The following LRRC52 variants were observed in gnomAD, a reference collection of about 807,000 sequenced individuals.
LRRC52 encodes the protein leucine rich repeat containing 52, also known as leucine-rich repeat-containing protein 52.
A neutral mutation model predicts 14.7 loss-of-function variants in LRRC52; 15 were observed. That is an observed-to-expected ratio of 1.02 (90% CI 0.68 to 1.58). The LOEUF (loss-of-function observed/expected upper bound fraction) is 1.58, where lower values mean the gene tolerates loss of function less well. Ranked by LOEUF, LRRC52 falls within the 40% of genes most tolerant of loss-of-function variation. The pLI, the probability that LRRC52 is intolerant of heterozygous loss-of-function variation, is 0.00. For synonymous variants in LRRC52, 180 were observed against 163.9 expected, an observed-to-expected ratio of 1.10 and a Z score of -0.75; for missense variants, 400 against 387.7, an observed-to-expected ratio of 1.03 and a Z score of -0.27.
chr1:165,551,379 G>C (rs1206872655), intron 1 of LRRC52, among the ~76,000 whole-genome samples: 1 of 152,214 alleles, frequency 6.6e-6, no homozygotes, highest in Non-Finnish European at 1.5e-5. Flanking sequence ...AGTGGCCTGT[G>C]TTCTGGACCT....
At chr1:165,550,210 G>A (rs1661103262) in intron 1 of LRRC52, among the ~76,000 whole-genome samples, 1 of 152,204 alleles carries the variant, frequency 6.6e-6, no homozygotes, top group Admixed American at 6.5e-5. Context: ...AGGGGACAGG[G>A]TTGAATGGCT....
intron 1 of LRRC52, 66 bp from the exon 2 acceptor site, chr1:165,563,439 C>A: frequency 6.9e-7 from 1 of 1,452,526 alleles, no homozygotes; most frequent in Non-Finnish European, 9.4e-7. Flanking sequence ...TCCTGATCCC[C>A]TTTGGCCTTA....
intron 1 of LRRC52, among the ~76,000 whole-genome samples, chr1:165,556,917 A>C (rs1477665387): frequency 6.6e-6 from 1 of 152,186 alleles, no homozygotes; most frequent in African/African-American, 2.4e-5. Context: ...GTACGACAGA[A>C]TATATAATAG....
chr1:165,550,331 A>G (rs1253280760), intron 1 of LRRC52, among the ~76,000 whole-genome samples: 3 of 152,226 alleles, frequency 2.0e-5, no homozygotes, highest in African/African-American at 4.8e-5. Context: ...ATGCTGTCCA[A>G]TAGAAGTTTC....
intron 1 of LRRC52, among the ~76,000 whole-genome samples, chr1:165,557,090 AG>A (rs1436964114): frequency 6.6e-6 from 1 of 152,204 alleles, no homozygotes; most frequent in Non-Finnish European, 1.5e-5. Context: ...GTACAGAAAA[AG>A]GGTCTCTGCT....
chr1:165,555,161 G>A (rs182077183), intron 1 of LRRC52, among the ~76,000 whole-genome samples: 145 of 152,354 alleles, frequency 9.5e-4, no homozygotes, highest in African/African-American at 3.4e-3. Flanking sequence ...CAAATAACAA[G>A]TGCCATGGAG....
intron 1 of LRRC52, among the ~76,000 whole-genome samples, chr1:165,545,557 A>G (rs1239645690): frequency 6.6e-6 from 1 of 152,122 alleles, no homozygotes; most frequent in African/African-American, 2.4e-5. Flanking sequence ...GAATGGCATG[A>G]ATCAATGGAG....
At chr1:165,550,733 C>T (rs1465496899) in intron 1 of LRRC52, among the ~76,000 whole-genome samples, 1 of 151,938 alleles carries the variant, frequency 6.6e-6, no homozygotes, top group Non-Finnish European at 1.5e-5. Context: ...CATTATAATG[C>T]TGGGGTGGCT....
chr1:165,548,351 T>C (rs926085057), intron 1 of LRRC52, among the ~76,000 whole-genome samples: 3 of 152,198 alleles, frequency 2.0e-5, no homozygotes, highest in African/African-American at 7.2e-5. Context: ...GTGCCTACTA[T>C]GTGCCAAACA....
intron 1 of LRRC52, among the ~76,000 whole-genome samples, chr1:165,561,760 T>C (rs141385265): frequency 1.3e-5 from 2 of 152,206 alleles, no homozygotes; most frequent in Non-Finnish European, 2.9e-5. Context: ...CTAAACAGCA[T>C]TACACACTGC....
chr1:165,563,903 A>G lies in LRRC52; in HGVS notation c.*79A>G. 7.0e-7 allele frequency: 1 copy of G among 1,424,238 alleles called. No individual in the cohort carries two copies. The highest frequency in any genetic ancestry group is 9.7e-7 in the Non-Finnish European group (1 of 1,035,366). 88.2% of individuals were successfully genotyped at this position (1,424,238 alleles called of 1,614,324 possible). ...TGCCCTCCCCATCCCACCACCTTGG[A>G]GCTGTCATAGAGATTGAAACCTTCT... On this transcript the variant is annotated 3_prime_UTR_variant, in exon 2 of 2. Transcript: ENST00000294818.
intron 1 of LRRC52, among the ~76,000 whole-genome samples, chr1:165,548,735 A>G (rs1487613165): frequency 6.6e-6 from 1 of 152,208 alleles, no homozygotes; most frequent in Non-Finnish European, 1.5e-5. Flanking sequence ...TAGAACCAAC[A>G]TTCCTAGGGC....
At chr1:165,549,788 A>G (rs369050296) in intron 1 of LRRC52, among the ~76,000 whole-genome samples, 1 of 152,324 alleles carries the variant, frequency 6.6e-6, no homozygotes, top group Non-Finnish European at 1.5e-5. Flanking sequence ...CCAGTGTTTC[A>G]TTCATTTTAT....
At chr1:165,555,733 A>G (rs922515050) in intron 1 of LRRC52, among the ~76,000 whole-genome samples, 10 of 152,238 alleles carry the variant, frequency 6.6e-5, no homozygotes, top group African/African-American at 2.2e-4. Flanking sequence ...GGGTTTGCTT[A>G]TGATCTGAAC....
chr1:165,563,936 T>A lies in LRRC52; in HGVS notation c.*112T>A. On this transcript the variant is annotated 3_prime_UTR_variant, in exon 2 of 2. Coordinates refer to ENST00000294818, the MANE Select transcript of LRRC52 (RefSeq NM_001005214.4). ...TAGAGATTGAAACCTTCTAGTAAAA[T>A]AAATAAAATCTCTGATGGCCATTTC... 1 of 1,173,928 alleles carries A rather than the reference T, an allele frequency of 8.5e-7. No individual in the cohort carries two copies. The highest frequency in any genetic ancestry group is 1.2e-6 in the Non-Finnish European group (1 of 832,200). 72.7% of individuals were successfully genotyped at this position (1,173,928 alleles called of 1,614,324 possible). A position where few individuals can be genotyped will look rare whatever the true frequency, so the allele number is the denominator to read the frequency against.
At chr1:165,550,167 ATT>A (rs2101825908) in intron 1 of LRRC52, among the ~76,000 whole-genome samples, 1 of 152,212 alleles carries the variant, frequency 6.6e-6, no homozygotes, top group East Asian at 1.9e-4. Context: ...GAGAGTGGTC[ATT>A]GAGTTCTTCC....
chr1:165,561,293 A>C (rs1661336094), intron 1 of LRRC52, among the ~76,000 whole-genome samples: 1 of 152,232 alleles, frequency 6.6e-6, no homozygotes, highest in Non-Finnish European at 1.5e-5. Context: ...TCTTTTTAAA[A>C]ATAGAATGAG....
intron 1 of LRRC52, among the ~76,000 whole-genome samples, chr1:165,560,736 T>A (rs1406009669): frequency 6.6e-6 from 1 of 152,150 alleles, no homozygotes; most frequent in Admixed American, 6.5e-5. Context: ...AAAGGAGCAG[T>A]GTAACAAAGT....
chr1:165,548,597 G>A (rs1313568328), intron 1 of LRRC52, among the ~76,000 whole-genome samples: 1 of 152,158 alleles, frequency 6.6e-6, no homozygotes, highest in South Asian at 2.1e-4. Flanking sequence ...AGTGTTAAGA[G>A]CTCAGGTTCT....
Sources: gnomAD v4.1 joint callset for allele counts (sites outside exome capture counted in the v4.1 genomes callset) on GRCh38, gnomAD v4.1.1 for gene constraint, MANE v1.5 for transcripts, NCBI Gene and HGNC (gene_info 2026-07-23, HGNC 2026-07-21) for gene names.